The following FBXL17 variants were observed in gnomAD, a reference collection of about 807,000 sequenced individuals.
FBXL17 encodes the protein F-box/LRR-repeat protein 17.
In FBXL17, 22 loss-of-function variants were observed where a neutral mutation model predicts 66.2. That is an observed-to-expected ratio of 0.33 (90% CI 0.24 to 0.47). The LOEUF is 0.47. FBXL17 is among the 20% of genes least tolerant of loss of function. The pLI is 1.00. For missense variants in FBXL17, 878 were observed against 948.2 expected (o/e 0.93, Z 0.97); for synonymous variants, 474 against 400.5 (o/e 1.18, Z -2.19).
chr5:108,009,290 T>TAGAAAG (rs1287152827), intron 7 of FBXL17, among the ~76,000 whole-genome samples: 1 of 54,716 alleles, frequency 1.8e-5, no homozygotes. Context: ...TATATATATA[T>TAGAAAG]ATATATATAT....
chr5:108,274,815 C>G (rs1161764539), intron 4 of FBXL17, among the ~76,000 whole-genome samples: 1 of 152,192 alleles, frequency 6.6e-6, no homozygotes, highest in African/African-American at 2.4e-5. Context: ...TTTGGGGTCC[C>G]TGACTTCCCG....
intron 1 of FBXL17, among the ~76,000 whole-genome samples, chr5:108,371,915 C>T (rs1749065257): frequency 6.6e-6 from 1 of 152,028 alleles, no homozygotes; most frequent in South Asian, 2.1e-4. Flanking sequence ...GCTCAAGAGC[C>T]CACTAGTACC....
chr5:107,909,282 T>A (rs896098571), intron 7 of FBXL17, among the ~76,000 whole-genome samples: 1 of 152,158 alleles, frequency 6.6e-6, no homozygotes, highest in African/African-American at 2.4e-5. Context: ...AGAGCCACAA[T>A]TTGTGCACAG....
chr5:107,964,862 T>G (rs923891070), intron 7 of FBXL17, among the ~76,000 whole-genome samples: 1 of 152,114 alleles, frequency 6.6e-6, no homozygotes, highest in Admixed American at 6.6e-5. Flanking sequence ...AGCACTTCAG[T>G]GCAATTAAGT....
intron 6 of FBXL17, among the ~76,000 whole-genome samples, chr5:108,183,820 G>A (rs1753112512): frequency 6.6e-6 from 1 of 152,004 alleles, no homozygotes; most frequent in Non-Finnish European, 1.5e-5. Flanking sequence ...TATGGTATTT[G>A]GTTTTTGATT....
chr5:108,189,310 ATG>A (rs1753369110), intron 5 of FBXL17, among the ~76,000 whole-genome samples: 1 of 125,756 alleles, frequency 8.0e-6, no homozygotes, highest in Admixed American at 7.9e-5. Context: ...ATGGGATGGG[ATG>A]GGATGGGATG....
rs545312283 is a variant in FBXL17 at position 108,367,628 on chromosome 5, T to G, written c.1116+203A>C. On this transcript the variant is annotated intron_variant, in intron 2 of 8. Transcript: ENST00000542267. ...AAAAAGCAACCCTAAATTACCAATC[T>G]ACATGAAAAACTATCTTGTTTACTA... Among the ~76,000 whole-genome samples the G allele has an allele frequency of 3.9e-5, 6 of 152,246 alleles. No individual in the cohort carries two copies. The South Asian group carries it at 1.2e-3, about 32-fold the overall frequency.
intron 3 of FBXL17, among the ~76,000 whole-genome samples, chr5:108,350,268 C>G (rs1287472167): frequency 6.6e-6 from 1 of 152,184 alleles, no homozygotes; most frequent in Non-Finnish European, 1.5e-5. Flanking sequence ...CATTACTGCA[C>G]AGCCTGACCT....
intron 7 of FBXL17, among the ~76,000 whole-genome samples, chr5:107,901,782 T>C (rs1280224005): frequency 6.6e-6 from 1 of 152,096 alleles, no homozygotes; most frequent in Non-Finnish European, 1.5e-5. Flanking sequence ...CAAAGATAAA[T>C]GGCAACCAAC....
intron 8 of FBXL17, among the ~76,000 whole-genome samples, chr5:107,875,107 CTTT>C (rs374471434): frequency 1.4e-5 from 2 of 143,404 alleles, no homozygotes; most frequent in Admixed American, 1.4e-4. Flanking sequence ...CTCTCTCTCT[CTTT>C]TTTTTTTTTT....
At chr5:108,071,119 T>C (rs1011868491) in intron 6 of FBXL17, among the ~76,000 whole-genome samples, 9 of 152,308 alleles carry the variant, frequency 5.9e-5, no homozygotes, top group South Asian at 2.1e-4. Context: ...TTCACTGAGA[T>C]ACAAATGGCA....
intron 1 of FBXL17, among the ~76,000 whole-genome samples, chr5:108,374,335 C>T (rs1313210075): frequency 1.3e-5 from 2 of 152,170 alleles, no homozygotes; most frequent in Admixed American, 1.3e-4. Context: ...ATATTAAGCT[C>T]ATACAAAGTA....
intron 6 of FBXL17, among the ~76,000 whole-genome samples, chr5:108,170,882 G>A (rs944073946): frequency 6.6e-6 from 1 of 152,144 alleles, no homozygotes; most frequent in Non-Finnish European, 1.5e-5. Flanking sequence ...CATAAATATA[G>A]TGGTGATTAT....
In FBXL17 at chr5:108,381,963, G is replaced by T. The variant is rs1471547243; in HGVS notation, c.-272C>A. 24 of 1,229,246 alleles carry T rather than the reference G, an allele frequency of 2.0e-5. No homozygotes were observed. The South Asian group carries it at 7.0e-4, about 36-fold the overall frequency. 76.1% of individuals were successfully genotyped at this position (1,229,246 alleles called of 1,614,324 possible). A position where few individuals can be genotyped will look rare whatever the true frequency, so the allele number is the denominator to read the frequency against. On this transcript the variant is annotated 5_prime_UTR_variant, in exon 1 of 9. Transcript: ENST00000542267. The stretch of plus-strand genomic sequence containing the variant: ...TGGGGACGCGAGGGAGGGAGCGAGC[G>T]AGCCTGCCGGCTAGGCGACCAGTCC...
At chr5:108,380,545 G>A (rs1455641153) in intron 1 of FBXL17, among the ~76,000 whole-genome samples, 154 bp downstream of exon 1, 2 of 152,046 alleles carry the variant, frequency 1.3e-5, no homozygotes, top group African/African-American at 2.4e-5. Context: ...CATAGGCAGA[G>A]GCCCCACTGG....
intron 4 of FBXL17, among the ~76,000 whole-genome samples, chr5:108,343,454 G>A (rs1321695355): frequency 2.0e-5 from 3 of 152,138 alleles, no homozygotes; most frequent in African/African-American, 7.2e-5. Flanking sequence ...AATTATTTAT[G>A]TCTGGTATTA....
intron 4 of FBXL17, among the ~76,000 whole-genome samples, chr5:108,260,023 AAAAAAAAAAAC>A (rs1405720170): frequency 1.4e-5 from 2 of 147,686 alleles, no homozygotes; most frequent in Admixed American, 7.0e-5. Context: ...AAGAAACTTA[AAAAAAAAAAAC>A]AAAAAAAAAA....
chr5:108,009,300 T>TATATATAC (rs1554056634), intron 7 of FBXL17, among the ~76,000 whole-genome samples: 12 of 63,272 alleles, frequency 1.9e-4, no homozygotes, highest in South Asian at 5.4e-4. Flanking sequence ...TATATATATA[T>TATATATAC]ACATATATAC....
chr5:107,948,852 A>G (rs1349001733), intron 7 of FBXL17, among the ~76,000 whole-genome samples: 1 of 152,226 alleles, frequency 6.6e-6, no homozygotes, highest in Non-Finnish European at 1.5e-5. Flanking sequence ...GGTACATAGC[A>G]AGCGCTCAAT....
Sources: gnomAD v4.1 joint callset for allele counts (sites outside exome capture counted in the v4.1 genomes callset) on GRCh38, gnomAD v4.1.1 for gene constraint, MANE v1.5 for transcripts, NCBI Gene and HGNC (gene_info 2026-07-23, HGNC 2026-07-21) for gene names.